COLGALT2: variants seen among roughly 807,000 people sequenced by gnomAD.
COLGALT2 encodes the protein collagen beta(1-O)galactosyltransferase 2.
COLGALT2 carries 49 observed loss-of-function variants against 73.4 expected under a neutral mutation model. The observed-to-expected ratio is 0.67, with a 90% CI of 0.53 to 0.85. COLGALT2 has a LOEUF of 0.85. Ranked by LOEUF, COLGALT2 falls within the 40% of genes least tolerant of loss-of-function variation. The pLI, the probability that COLGALT2 is intolerant of heterozygous loss-of-function variation, is 0.00. For synonymous variants in COLGALT2, 295 were observed against 307.6 expected, an observed-to-expected ratio of 0.96 and a Z score of 0.43; for missense variants, 722 against 790.2, an observed-to-expected ratio of 0.91 and a Z score of 1.03.
chr1:184,034,276 A>C (rs1649603091), intron 1 of COLGALT2, among the ~76,000 whole-genome samples: 1 of 102,768 alleles, frequency 9.7e-6, no homozygotes, highest in African/African-American at 3.9e-5. Flanking sequence ...ATGCCCTATT[A>C]TCTTTTTTTT....
chr1:183,969,813 G>A (rs905786185), intron 4 of COLGALT2, among the ~76,000 whole-genome samples: 4 of 152,192 alleles, frequency 2.6e-5, no homozygotes, highest in Non-Finnish European at 5.9e-5. Context: ...AAGGGCACAG[G>A]TTCCAGTGTC....
intron 1 of COLGALT2, among the ~76,000 whole-genome samples, chr1:183,981,633 G>C (rs1033504210): frequency 6.6e-6 from 1 of 152,120 alleles, no homozygotes; most frequent in African/African-American, 2.4e-5. Flanking sequence ...CTGCAGCCTG[G>C]GTGATAGAGC....
At chr1:183,929,871 C>G (rs1353147955) in exon 12 of COLGALT2, 1 of 176,538 alleles carries the variant, frequency 5.7e-6, no homozygotes, top group Non-Finnish European at 1.2e-5. Context: ...AGCTTAAGAC[C>G]GAGGTTTATT....
intron 5 of COLGALT2, among the ~76,000 whole-genome samples, chr1:183,967,810 AAAG>A (rs1670921967): frequency 6.6e-6 from 1 of 152,212 alleles, no homozygotes; most frequent in African/African-American, 2.4e-5. Context: ...AGACCAACTG[AAAG>A]AAGGAGTTTC....
intron 1 of COLGALT2, among the ~76,000 whole-genome samples, chr1:183,996,382 G>T (rs533177913): frequency 3.9e-5 from 6 of 152,360 alleles, no homozygotes; most frequent in African/African-American, 1.2e-4. Flanking sequence ...TAAAGGTGTA[G>T]ACAGTGATTG....
At chr1:184,000,702 T>C (rs1671896243) in intron 1 of COLGALT2, among the ~76,000 whole-genome samples, 1 of 152,078 alleles carries the variant, frequency 6.6e-6, no homozygotes, top group Non-Finnish European at 1.5e-5. Flanking sequence ...TAGGTGATTC[T>C]TTACCTACTA....
rs779082349 is a variant in COLGALT2, at chr1:183,969,334, G to C, written c.767C>G (p.Pro256Arg). 9.9e-6 allele frequency: 16 copies of C among 1,613,640 alleles called. No individual in the cohort carries two copies. Among genetic ancestry groups the C allele is most frequent in the Middle Eastern group, 3.3e-4 (2 of 6,082 alleles). The change falls in exon 5 of 12, where the codon CCA (proline) becomes CGA (arginine). Residue 256 changes from proline (P) to arginine (R), a missense_variant. Physicochemically the swap from Pro to Arg is moderately radical, Grantham distance 103 (BLOSUM62 -2). Transcript: ENST00000361927. ...AAAGGTCCAGGTGTAGTCCTGGTGT[G>C]GGGGGTAGAAAGTCAGCTTGTCCGA... ...EASDKLTFYP[P>R]HQDYTWTFDD...
At chr1:184,021,466 G>A (rs770325736) in intron 1 of COLGALT2, among the ~76,000 whole-genome samples, 2 of 152,034 alleles carry the variant, frequency 1.3e-5, no homozygotes, top group African/African-American at 2.4e-5. Context: ...TCATGAGAGC[G>A]AGTTCCTTAT....
intron 1 of COLGALT2, among the ~76,000 whole-genome samples, chr1:184,011,087 G>A (rs1238542782): frequency 1.3e-5 from 2 of 152,216 alleles, no homozygotes; most frequent in African/African-American, 4.8e-5. Context: ...ATCTACCAAA[G>A]AGGCTAATGG....
At chr1:183,989,056 T>C (rs1207922671) in intron 1 of COLGALT2, among the ~76,000 whole-genome samples, 3 of 152,208 alleles carry the variant, frequency 2.0e-5, no homozygotes, top group African/African-American at 7.2e-5. Flanking sequence ...CTTCCAAAGA[T>C]GGTTTTCTTT....
chr1:183,944,974 T>C (rs2102791157), intron 9 of COLGALT2, among the ~76,000 whole-genome samples: 1 of 152,318 alleles, frequency 6.6e-6, no homozygotes, highest in South Asian at 2.1e-4. Flanking sequence ...GCTCCAGATA[T>C]GTCTTGATCT....
rs758086728 is a variant in COLGALT2 at position 183,944,322 on chromosome 1, AC to A, written c.1270del (p.Val424Ter). ...FLSHYSVWKE[V>X]IDRELEKTLV... ...AGTCTTCTCTAGCTCTCGATCAATT[AC>A]CTGCAAAAGTCATCAGTAGGAAGAT... On this transcript the variant is annotated frameshift_variant and splice_region_variant, in exon 10 of 12. Transcript: ENST00000361927. LOFTEE classifies it high-confidence loss of function. The A allele has an allele frequency of 6.2e-7, 1 of 1,612,110 alleles. No homozygotes were observed. Among genetic ancestry groups the A allele is most frequent in the South Asian group, 1.1e-5 (1 of 90,490 alleles).
At chr1:184,033,691 C>T (rs1186586813) in intron 1 of COLGALT2, among the ~76,000 whole-genome samples, 1 of 152,146 alleles carries the variant, frequency 6.6e-6, no homozygotes, top group Non-Finnish European at 1.5e-5. Context: ...ATGTGCAGTG[C>T]AGATCTGGTC....
At chr1:184,007,826 C>T (rs904897054) in intron 1 of COLGALT2, among the ~76,000 whole-genome samples, 5 of 152,176 alleles carry the variant, frequency 3.3e-5, no homozygotes, top group Non-Finnish European at 5.9e-5. Flanking sequence ...TTAATCTTTC[C>T]TCTACCAACA....
chr1:183,972,362 C>T (rs1671064378), intron 4 of COLGALT2, among the ~76,000 whole-genome samples: 1 of 152,208 alleles, frequency 6.6e-6, no homozygotes, highest in South Asian at 2.1e-4. Flanking sequence ...CCTACCTCAG[C>T]TTCCCAAAGT....
chr1:184,023,645 G>A (rs1037712875), intron 1 of COLGALT2, among the ~76,000 whole-genome samples: 12 of 10,104 alleles, frequency 1.2e-3, no homozygotes, highest in Non-Finnish European at 2.0e-3. Context: ...GCGTGAGGTG[G>A]GGGGGGGGGG....
At chr1:184,009,387 A>C (rs955084663) in intron 1 of COLGALT2, among the ~76,000 whole-genome samples, 6 of 152,238 alleles carry the variant, frequency 3.9e-5, no homozygotes, top group Middle Eastern at 3.2e-3. Context: ...GTATAAGTAC[A>C]ATTAATAGAT....
chr1:183,991,968 A>G (rs1037494898), intron 1 of COLGALT2, among the ~76,000 whole-genome samples: 2 of 151,972 alleles, frequency 1.3e-5, no homozygotes, highest in Admixed American at 6.5e-5. Context: ...TGCTCCTGGG[A>G]GAGGAGCATG....
chr1:183,988,317 T>C (rs1043177460), intron 1 of COLGALT2, among the ~76,000 whole-genome samples: 2 of 152,232 alleles, frequency 1.3e-5, no homozygotes, highest in Non-Finnish European at 2.9e-5. Flanking sequence ...AACTAAGACA[T>C]GATTACTGCT....
Sources: allele counts gnomAD v4.1 joint callset (sites outside exome capture counted in the v4.1 genomes callset), GRCh38; gene constraint gnomAD v4.1.1; transcripts MANE v1.5; gene names NCBI Gene and HGNC (gene_info 2026-07-23, HGNC 2026-07-21).